Variants in LATS2 observed in about 807,000 individuals in gnomAD.
LATS2 encodes serine/threonine-protein kinase LATS2.
LATS2 carries 24 observed loss-of-function variants against 76.0 expected under a neutral mutation model. The observed-to-expected ratio is 0.32, with a 90% CI of 0.23 to 0.44. LATS2 has a LOEUF of 0.44. Among genes scored for constraint, LATS2 ranks in the 20% least tolerant of loss-of-function variants. LATS2 has a pLI of 1.00. For missense variants in LATS2, 1,286 were observed against 1,481.2 expected (o/e 0.87, Z 2.16); for synonymous variants, 692 against 635.4 (o/e 1.09, Z -1.34).
At chr13:20,994,318 CAAGT>C (rs1372730988) in intron 2 of LATS2, among the ~76,000 whole-genome samples, 1 of 152,190 alleles carries the variant, frequency 6.6e-6, no homozygotes, top group African/African-American at 2.4e-5. Context: ...CCTTCTTTAG[CAAGT>C]AAGTACTTCC....
In LATS2 at chr13:20,979,669, T is replaced by C. The variant is rs908051200; in HGVS notation, c.2772+22A>G. On this transcript the variant is annotated intron_variant, in intron 7 of 7. Transcript: ENST00000382592. ...AAATCAGATGTCTACAGCAAGCAGATGCGTGGTTCCTCTCACATTACCTTC... is the reference window on the plus strand; with the variant it reads ...AAATCAGATGTCTACAGCAAGCAGACGCGTGGTTCCTCTCACATTACCTTC... 4.4e-6 allele frequency: 6 copies of C among 1,369,884 alleles called. 1 individual carries two copies. Among genetic ancestry groups the C allele is most frequent in the South Asian group, 3.5e-5 (3 of 84,864 alleles). 84.9% of individuals were successfully genotyped at this position (1,369,884 alleles called of 1,614,324 possible).
intron 2 of LATS2, among the ~76,000 whole-genome samples, chr13:20,998,142 C>A (rs895849004): frequency 9.9e-5 from 15 of 152,166 alleles, no homozygotes; most frequent in South Asian, 8.3e-4. Context: ...GGTAGGATCG[C>A]TTGAGGCCAG....
rs537330910 is a variant in LATS2 at position 21,042,678 on chromosome 13, C to A, written c.342+3007G>T. Among the ~76,000 whole-genome samples, 6 of 152,150 alleles carry A rather than the reference C, an allele frequency of 3.9e-5. No individual in the cohort carries two copies. The East Asian group carries it at 9.7e-4, about 25-fold the overall frequency. The stretch of plus-strand genomic sequence containing the variant: ...CTCCAGACTGTACAACAGAGCAAAA[C>A]CCTCTTAAACAGACAAAACAGTAGG... On this transcript the variant is annotated intron_variant, in intron 2 of 7. Coordinates refer to ENST00000382592, the MANE Select transcript of LATS2 (RefSeq NM_014572.3).
At chr13:21,029,358 ATGAT>A (rs1166540694) in intron 2 of LATS2, among the ~76,000 whole-genome samples, 2 of 152,224 alleles carry the variant, frequency 1.3e-5, no homozygotes, top group South Asian at 4.1e-4. Flanking sequence ...TTTTGTTGAT[ATGAT>A]TAATTATATT....
chr13:20,998,293 CA>C (rs1870850374), intron 2 of LATS2, among the ~76,000 whole-genome samples: 1 of 152,106 alleles, frequency 6.6e-6, no homozygotes, highest in Admixed American at 6.5e-5. Context: ...GTGGAGGCTG[CA>C]GTGAGCTGAG....
chr13:21,028,462 T>C (rs1872399187), intron 2 of LATS2, among the ~76,000 whole-genome samples: 1 of 152,228 alleles, frequency 6.6e-6, no homozygotes, highest in Non-Finnish European at 1.5e-5. Flanking sequence ...TATTTTGATA[T>C]TTAATGTGAT....
chr13:21,046,738 C>G (rs1423983741), intron 1 of LATS2, among the ~76,000 whole-genome samples: 1 of 152,128 alleles, frequency 6.6e-6, no homozygotes, highest in Admixed American at 6.5e-5. Context: ...TAAAACCCTC[C>G]CAATTTTCCT....
rs1191119175 is a variant in LATS2 at position 20,998,888 on chromosome 13, G to A, written c.343-7484C>T. Among the ~76,000 whole-genome samples the A allele has an allele frequency of 3.3e-5, 5 of 151,704 alleles. No individual in the cohort carries two copies. In the South Asian group the frequency reaches 8.3e-4, roughly 25 times the overall value. On this transcript the variant is annotated intron_variant, in intron 2 of 7. Coordinates refer to ENST00000382592, the MANE Select transcript of LATS2 (RefSeq NM_014572.3). The stretch of plus-strand genomic sequence containing the variant: ...GTCCACGACCTTGTGCACGCGGGGC[G>A]GGGGCCCTGGCGACGTTGTCCACGC...
Position 20,991,131 on chromosome 13 carries a change from C to T in LATS2, c.475+141G>A. On this transcript the variant is annotated intron_variant, in intron 3 of 7. Transcript: ENST00000382592. This position sits in a 1 kb window ranked among gnomAD's most constrained non-coding sequence, Gnocchi z 4.9. ...CTCTGTCAGGGCAGGGCAGGCTCAG[C>T]TTGCCTGTTAACTGAATGAGGCAAT... is the stretch of plus-strand genomic sequence containing the variant. The T allele has an allele frequency of 9.2e-7, 1 of 1,087,316 alleles. No homozygotes were observed. Among genetic ancestry groups the T allele is most frequent in the Non-Finnish European group, 1.3e-6 (1 of 741,630 alleles). The allele number at this position is 1,087,316 out of a possible 1,614,324, so 67.4% of individuals were successfully genotyped here. A position where few individuals can be genotyped will look rare whatever the true frequency, so the allele number is the denominator to read the frequency against.
In LATS2 at chr13:20,974,561, A is replaced by T. The variant is rs1355378798; in HGVS notation, c.*309T>A. ...ACAGCAGCATGATTTGTCAAAGTTAATCCCTATAATTTAGTAAGAAAAAAT... is the reference window on the plus strand; with the variant it reads ...ACAGCAGCATGATTTGTCAAAGTTATTCCCTATAATTTAGTAAGAAAAAAT... On this transcript the variant is annotated 3_prime_UTR_variant, in exon 8 of 8. Transcript: ENST00000382592. 4 of 296,136 alleles carry T rather than the reference A, an allele frequency of 1.4e-5. No homozygotes were observed. The highest frequency in any genetic ancestry group is 2.5e-5 in the Non-Finnish European group (4 of 159,374). The allele number at this position is 296,136 out of a possible 1,614,324, so 18.3% of individuals were successfully genotyped here.
At chr13:21,037,543 G>A (rs986778320) in intron 2 of LATS2, among the ~76,000 whole-genome samples, 3 of 152,162 alleles carry the variant, frequency 2.0e-5, no homozygotes, top group South Asian at 2.1e-4. Context: ...AGAAAGTGGC[G>A]ACTAGAACAA....
chr13:21,007,334 A>C (rs1472819733), intron 2 of LATS2, among the ~76,000 whole-genome samples: 2 of 150,576 alleles, frequency 1.3e-5, no homozygotes, highest in Non-Finnish European at 2.9e-5. Flanking sequence ...TGTTTCTGAC[A>C]GTGGAATGTC....
chr13:21,017,062 G>A (rs139200581), intron 2 of LATS2, among the ~76,000 whole-genome samples: 372 of 152,274 alleles, frequency 2.4e-3, no homozygotes, highest in Non-Finnish European at 4.2e-3. Flanking sequence ...ATCTTCATTA[G>A]TGCTTCTTAC....
In LATS2 at chr13:21,034,151, C is replaced by A. The variant is rs565316072; in HGVS notation, c.342+11534G>T. Among the ~76,000 whole-genome samples, 11 of 152,294 alleles carry A rather than the reference C, an allele frequency of 7.2e-5. No homozygotes were observed. The South Asian group carries it at 2.3e-3, about 32-fold the overall frequency. ...ACGGGCCAGTTACTTTACATTCTTTCTGGTCAGCGGGAAAACTCATAACAT... is the reference window on the plus strand; with the variant it reads ...ACGGGCCAGTTACTTTACATTCTTTATGGTCAGCGGGAAAACTCATAACAT... On this transcript the variant is annotated intron_variant, in intron 2 of 7. Coordinates refer to ENST00000382592, the MANE Select transcript of LATS2 (RefSeq NM_014572.3).
intron 2 of LATS2, among the ~76,000 whole-genome samples, chr13:21,033,610 C>A (rs780649276): frequency 6.6e-6 from 1 of 150,610 alleles, no homozygotes; most frequent in Admixed American, 6.7e-5. Context: ...TCGCTGAAGG[C>A]TCTTGTAAGC....
intron 2 of LATS2, among the ~76,000 whole-genome samples, chr13:21,014,179 A>C (rs1871708500): frequency 6.6e-6 from 1 of 152,152 alleles, no homozygotes; most frequent in Non-Finnish European, 1.5e-5. Context: ...AGTCGGGGGC[A>C]GGGGGAAAGG....
intron 2 of LATS2, among the ~76,000 whole-genome samples, chr13:21,040,273 G>A (rs1448864601): frequency 1.3e-5 from 2 of 151,340 alleles, no homozygotes; most frequent in Non-Finnish European, 2.9e-5. Flanking sequence ...TGTGGTCTCA[G>A]TTACTTTGGA....
chr13:21,042,340 T>C (rs9552334), intron 2 of LATS2, among the ~76,000 whole-genome samples: 9,576 of 152,298 alleles, frequency 0.063, 942 homozygotes, highest in East Asian at 0.43. Context: ...GGGTTTAATA[T>C]GCAAAAATTC....
chr13:20,987,010 T>C (rs949791676), intron 4 of LATS2, among the ~76,000 whole-genome samples: 11 of 152,118 alleles, frequency 7.2e-5, no homozygotes. Flanking sequence ...CTGACCAACA[T>C]GGCGAAACCC....
Sources: gnomAD v4.1 joint callset for allele counts (sites outside exome capture counted in the v4.1 genomes callset) on GRCh38, gnomAD v4.1.1 for gene constraint, Gnocchi (gnomAD v3.1) non-coding constraint, MANE v1.5 for transcripts, NCBI Gene and HGNC (gene_info 2026-07-23, HGNC 2026-07-21) for gene names.